Variants in UBE2Z observed in about 807,000 individuals in gnomAD.
UBE2Z encodes ubiquitin conjugating enzyme E2 Z.
A neutral mutation model predicts 32.6 loss-of-function variants in UBE2Z; 10 were observed. The ratio of observed to expected loss-of-function variants is 0.31; its 90% CI spans 0.19 to 0.52. The LOEUF is 0.52. UBE2Z is among the 20% of genes least tolerant of loss of function. The probability of loss-of-function intolerance (pLI) is 0.97; values close to 1 mark genes in which losing one functional copy is unlikely to be tolerated. For synonymous variants in UBE2Z, 183 were observed against 190.8 expected (o/e 0.96, Z 0.34); for missense variants, 343 against 480.9 (o/e 0.71, Z 2.68).
At chr17:48,921,390 T>C (rs1393608420) in intron 5 of UBE2Z, 118 bp downstream of exon 5, 1 of 776,740 alleles carries the variant, frequency 1.3e-6, no homozygotes, top group African/African-American at 1.7e-5. Flanking sequence ...AAGATGTGGT[T>C]CCTGCTTTTA....
At chr17:48,922,767 A>G (rs1369974830) in intron 5 of UBE2Z, 80 bp from the exon 6 acceptor site, 9 of 464,822 alleles carry the variant, frequency 1.9e-5, no homozygotes, top group East Asian at 7.0e-5. Context: ...ACTCCATCTG[A>G]AAAAAAAAAA....
intron 4 of UBE2Z, among the ~76,000 whole-genome samples, chr17:48,917,807 A>G (rs1234024539): frequency 6.6e-6 from 1 of 152,170 alleles, no homozygotes; most frequent in African/African-American, 2.4e-5. Context: ...AGGACCCCAG[A>G]CTTACATTGG....
intron 3 of UBE2Z, among the ~76,000 whole-genome samples, chr17:48,914,979 C>T (rs1436192850): frequency 1.3e-5 from 2 of 152,152 alleles, no homozygotes; most frequent in Admixed American, 6.5e-5. Flanking sequence ...CAAGATCACG[C>T]CACTGCACTC....
At chr17:48,910,486 A>G (rs1269055664) in intron 1 of UBE2Z, 3 of 290,304 alleles carry the variant, frequency 1.0e-5, no homozygotes, top group East Asian at 6.5e-5. Context: ...ATGAATTGCC[A>G]TGTGGGAGGA....
chr17:48,913,406 G>C (rs1175083117), intron 3 of UBE2Z, among the ~76,000 whole-genome samples: 1 of 152,186 alleles, frequency 6.6e-6, no homozygotes, highest in Non-Finnish European at 1.5e-5. Flanking sequence ...CCAGGCTGGA[G>C]TGCAGTGGCA....
intron 1 of UBE2Z, among the ~76,000 whole-genome samples, chr17:48,909,341 T>A (rs1365431915): frequency 1.3e-5 from 2 of 151,952 alleles, no homozygotes; most frequent in Non-Finnish European, 2.9e-5. Context: ...CCTCCGTTTT[T>A]CTCAGATTCC....
intron 3 of UBE2Z, among the ~76,000 whole-genome samples, chr17:48,913,365 G>A (rs546614188): frequency 2.0e-5 from 3 of 152,030 alleles, no homozygotes; most frequent in Non-Finnish European, 4.4e-5. Context: ...GTTGTTTTTT[G>A]TTTGTTTTGA....
At chr17:48,909,033 T>G in intron 1 of UBE2Z, 3 of 232,280 alleles carry the variant, frequency 1.3e-5, no homozygotes, top group Non-Finnish European at 1.6e-5. Flanking sequence ...CCGCCTCGTG[T>G]GCCCAGATCC....
chr17:48,916,034 C>CT (rs142959616), intron 3 of UBE2Z, 42 bp from the exon 4 acceptor site: 5 of 1,441,008 alleles, frequency 3.5e-6, no homozygotes, highest in Non-Finnish European at 3.8e-6. Context: ...GTTCCCTATT[C>CT]TTTCTCTGCC....
Position 48,927,244 on chromosome 17 carries a change from C to G in UBE2Z, c.*110C>G. 8.2e-7 allele frequency: 1 copy of G among 1,221,912 alleles called. No homozygotes were observed. The highest frequency in any genetic ancestry group is 1.1e-6 in the Non-Finnish European group (1 of 879,442). The allele number at this position is 1,221,912 out of a possible 1,614,324, so 75.7% of individuals were successfully genotyped here. On this transcript the variant is annotated 3_prime_UTR_variant, in exon 7 of 7. Coordinates refer to ENST00000360943, the MANE Select transcript of UBE2Z (RefSeq NM_023079.5). ...ATCTCCCTCCAGACTCGAAGTCATCCTGCAAGATGGCAAGAACCAAGCAAG... is the reference window on the plus strand; with the variant it reads ...ATCTCCCTCCAGACTCGAAGTCATCGTGCAAGATGGCAAGAACCAAGCAAG...
At chr17:48,918,553 G>A (rs1240287339) in intron 4 of UBE2Z, among the ~76,000 whole-genome samples, 2 of 151,618 alleles carry the variant, frequency 1.3e-5, no homozygotes, top group African/African-American at 4.8e-5. Context: ...AGCTGGTCTT[G>A]AACTCCTGAC....
At chr17:48,925,025 G>A (rs1436005401) in intron 6 of UBE2Z, among the ~76,000 whole-genome samples, 1 of 151,562 alleles carries the variant, frequency 6.6e-6, no homozygotes, top group Non-Finnish European at 1.5e-5. Flanking sequence ...GCTCATGCCT[G>A]TGATCCCAGT....
At chr17:48,916,267 T>TTTTTTTTG in intron 4 of UBE2Z, 80 bp downstream of exon 4, 3 of 677,112 alleles carry the variant, frequency 4.4e-6, no homozygotes, top group Non-Finnish European at 6.6e-6. Flanking sequence ...TGTTTTTTTT[T>TTTTTTTTG]TTTTTTGAGA....
At chr17:48,914,573 C>T (rs562136326) in intron 3 of UBE2Z, among the ~76,000 whole-genome samples, 11 of 152,248 alleles carry the variant, frequency 7.2e-5, no homozygotes, top group Non-Finnish European at 1.2e-4. Flanking sequence ...AATTTGTTCG[C>T]GAAAGCGTGT....
intron 1 of UBE2Z, among the ~76,000 whole-genome samples, chr17:48,909,602 T>C (rs1372520062): frequency 7.3e-6 from 1 of 137,160 alleles, no homozygotes; most frequent in African/African-American, 2.8e-5. Flanking sequence ...AATATACTCA[T>C]CAAATATAGG....
chr17:48,916,258 G>GTTTTTTTGT lies in UBE2Z; in HGVS notation c.690+78_690+79insGTTTTTTTT, dbSNP rs1555580097. Reference sequence around the variant, plus strand: ...GTTTGTTTGGTTGGTTGGTTTTTTTGTTTTTTTTTTTTTTTGAGACAGAGT... The same window carrying GTTTTTTTGT: ...GTTTGTTTGGTTGGTTGGTTTTTTTGTTTTTTTGTTTTTTTTTTTTTTTTGAGACAGAGT... On this transcript the variant is annotated intron_variant, in intron 4 of 6. Coordinates refer to ENST00000360943, the MANE Select transcript of UBE2Z (RefSeq NM_023079.5). 3.6e-4 allele frequency: 149 copies of GTTTTTTTGT among 418,918 alleles called. 1 individual carries two copies. The highest frequency in any genetic ancestry group is 2.5e-3 in the East Asian group (46 of 18,426). 26.0% of individuals were successfully genotyped at this position (418,918 alleles called of 1,614,324 possible). A position where few individuals can be genotyped will look rare whatever the true frequency, so the allele number is the denominator to read the frequency against.
intron 1 of UBE2Z, among the ~76,000 whole-genome samples, chr17:48,909,232 C>T (rs1204290252): frequency 6.6e-6 from 1 of 151,702 alleles, no homozygotes; most frequent in Non-Finnish European, 1.5e-5. Flanking sequence ...AGGCCCCACC[C>T]ATCGGTCCCC....
At chr17:48,924,340 T>C (rs937155669) in intron 6 of UBE2Z, among the ~76,000 whole-genome samples, 1 of 152,204 alleles carries the variant, frequency 6.6e-6, no homozygotes, top group Non-Finnish European at 1.5e-5. Flanking sequence ...ATGAATCCTC[T>C]ATTTAAATTC....
intron 4 of UBE2Z, among the ~76,000 whole-genome samples, chr17:48,920,419 C>A (rs925732925): frequency 2.0e-5 from 3 of 152,154 alleles, no homozygotes; most frequent in African/African-American, 4.8e-5. Flanking sequence ...ATCGCTTGAA[C>A]CCAGGAGGCG....
Sources: allele counts gnomAD v4.1 joint callset (sites outside exome capture counted in the v4.1 genomes callset), GRCh38; gene constraint gnomAD v4.1.1; transcripts MANE v1.5; gene names NCBI Gene and HGNC (gene_info 2026-07-23, HGNC 2026-07-21).